ASB3: variants seen among roughly 807,000 people sequenced by gnomAD.
The protein encoded by ASB3 is ankyrin repeat and SOCS box containing 3, also known as ankyrin repeat and SOCS box protein 3.
In ASB3, 41 loss-of-function variants were observed where a neutral mutation model predicts 54.5. That is an observed-to-expected ratio of 0.75 (90% CI 0.59 to 0.98). ASB3 has a LOEUF of 0.98. Ranked by LOEUF, ASB3 falls within the 50% of genes least tolerant of loss-of-function variation. The pLI, the probability that ASB3 is intolerant of heterozygous loss-of-function variation, is 0.00. For missense variants in ASB3, 733 were observed against 620.0 expected (o/e 1.18, Z -1.94); for synonymous variants, 266 against 221.2 (o/e 1.20, Z -1.80).
chr2:53,689,804 T>C (rs1668813301), intron 9 of ASB3, among the ~76,000 whole-genome samples: 1 of 152,222 alleles, frequency 6.6e-6, no homozygotes, highest in Non-Finnish European at 1.5e-5. Flanking sequence ...TTTTTCATTT[T>C]TCTTTTGCTT....
At chr2:53,692,464 G>A (rs1294274182) in intron 9 of ASB3, among the ~76,000 whole-genome samples, 1 of 152,058 alleles carries the variant, frequency 6.6e-6, no homozygotes, top group South Asian at 2.1e-4. Flanking sequence ...CTCTGAGAAA[G>A]GTTTTCTTGA....
At chr2:53,728,352 A>C (rs10201938) in intron 5 of ASB3, among the ~76,000 whole-genome samples, 63,018 of 151,520 alleles carry the variant, frequency 0.42, 13,441 homozygotes, top group East Asian at 0.62. Context: ...AGCCTTAATA[A>C]ACAAAATAGC....
chr2:53,694,566 G>T (rs1382820074), intron 8 of ASB3: 1 of 151,972 alleles, frequency 6.6e-6, no homozygotes, highest in African/African-American at 2.4e-5. Flanking sequence ...TGTCTTTAAG[G>T]ACTGAAAGAA....
chr2:53,730,665 G>A (rs1671255823), intron 3 of ASB3, among the ~76,000 whole-genome samples: 1 of 152,282 alleles, frequency 6.6e-6, no homozygotes, highest in South Asian at 2.1e-4. Context: ...CCCATCAACT[G>A]TGTATACATG....
chr2:53,749,973 A>G (rs1281709648), intron 3 of ASB3, among the ~76,000 whole-genome samples: 1 of 152,132 alleles, frequency 6.6e-6, no homozygotes, highest in African/African-American at 2.4e-5. Context: ...AAGGAAAAAA[A>G]GTACTTTCAC....
intron 2 of ASB3, among the ~76,000 whole-genome samples, chr2:53,761,294 C>A (rs1673130101): frequency 6.6e-6 from 1 of 152,146 alleles, no homozygotes. Context: ...AATCATATAT[C>A]GCCTGAGAGC....
intron 3 of ASB3, 87 bp downstream of exon 3, chr2:53,750,696 C>A: frequency 7.3e-7 from 1 of 1,364,744 alleles, no homozygotes; most frequent in Non-Finnish European, 9.6e-7. Context: ...ACTATAAGCA[C>A]AACAGCTGAA....
At chr2:53,721,535 C>T in intron 5 of ASB3, among the ~76,000 whole-genome samples, 1 of 152,058 alleles carries the variant, frequency 6.6e-6, no homozygotes, top group African/African-American at 2.4e-5. Context: ...GGTGCCACTG[C>T]ACTCCAGCCT....
At chr2:53,777,387 A>AT (rs1449490782) in intron 1 of ASB3, among the ~76,000 whole-genome samples, 1 of 152,224 alleles carries the variant, frequency 6.6e-6, no homozygotes, top group Non-Finnish European at 1.5e-5. Context: ...CAAGCATCCC[A>AT]TGTCACTAAA....
At chr2:53,718,914 TTTTTA>T (rs537656284) in intron 5 of ASB3, among the ~76,000 whole-genome samples, 37 of 152,030 alleles carry the variant, frequency 2.4e-4, no homozygotes, top group African/African-American at 8.2e-4. Flanking sequence ...GGTCACTAGT[TTTTTA>T]TTTTATTTTA....
At chr2:53,730,030 T>C (rs1298576007) in intron 3 of ASB3, among the ~76,000 whole-genome samples, 1 of 152,232 alleles carries the variant, frequency 6.6e-6, no homozygotes, top group Non-Finnish European at 1.5e-5. Context: ...TTTTTACCAC[T>C]ATAAATCATA....
chr2:53,740,064 G>A (rs1671847798), intron 3 of ASB3, among the ~76,000 whole-genome samples: 1 of 152,188 alleles, frequency 6.6e-6, no homozygotes. Context: ...ACCACAGGCT[G>A]TCCATCTCCT....
At chr2:53,688,085 G>T (rs758755838) in intron 9 of ASB3, among the ~76,000 whole-genome samples, 2 of 152,194 alleles carry the variant, frequency 1.3e-5, no homozygotes, top group African/African-American at 2.4e-5. Flanking sequence ...CTCTCAAAGT[G>T]GGATTACAGG....
intron 9 of ASB3, among the ~76,000 whole-genome samples, chr2:53,691,613 T>C (rs1224970176): frequency 2.0e-5 from 3 of 152,046 alleles, no homozygotes; most frequent in African/African-American, 7.2e-5. Flanking sequence ...TGCTTCTGCT[T>C]ACTAGAGATC....
chr2:53,720,871 C>T (rs746364746), intron 5 of ASB3, among the ~76,000 whole-genome samples: 7 of 151,998 alleles, frequency 4.6e-5, no homozygotes, highest in Non-Finnish European at 1.0e-4. Flanking sequence ...AACTGATTCA[C>T]TTGTGAGGCC....
At chr2:53,752,335 A>G (rs1672561279) in intron 2 of ASB3, among the ~76,000 whole-genome samples, 1 of 152,178 alleles carries the variant, frequency 6.6e-6, no homozygotes. Flanking sequence ...ACACATTGAA[A>G]GGTGAGGAGA....
chr2:53,770,842 TA>T (rs1673851819), intron 1 of ASB3, among the ~76,000 whole-genome samples: 1 of 152,226 alleles, frequency 6.6e-6, no homozygotes, highest in Non-Finnish European at 1.5e-5. Flanking sequence ...TACTGACCTT[TA>T]AATAGGGCAA....
intron 1 of ASB3, among the ~76,000 whole-genome samples, chr2:53,785,798 T>C (rs1372398051): frequency 6.6e-6 from 1 of 152,218 alleles, no homozygotes; most frequent in African/African-American, 2.4e-5. Context: ...GCCAAGATTA[T>C]GCCTCTGCAC....
chr2:53,726,053 C>T (rs187370169), intron 5 of ASB3, among the ~76,000 whole-genome samples: 418 of 151,824 alleles, frequency 2.8e-3, no homozygotes, highest in African/African-American at 9.5e-3. Context: ...CTCACTGAAA[C>T]GAAAGTAATA....
Sources: allele counts gnomAD v4.1 joint callset (sites outside exome capture counted in the v4.1 genomes callset), GRCh38; gene constraint gnomAD v4.1.1; transcripts MANE v1.5; gene names NCBI Gene and HGNC (gene_info 2026-07-23, HGNC 2026-07-21).